The following OLFM3 variants were observed in gnomAD, a reference collection of about 807,000 sequenced individuals.
The protein encoded by OLFM3 is noelin-3.
In OLFM3, 20 loss-of-function variants were observed where a neutral mutation model predicts 48.6. That is an observed-to-expected ratio of 0.41 (90% CI 0.29 to 0.60). OLFM3 has a LOEUF of 0.60. Among genes scored for constraint, OLFM3 ranks in the 20% least tolerant of loss-of-function variants. The probability of loss-of-function intolerance (pLI) is 0.28; values close to 1 mark genes in which losing one functional copy is unlikely to be tolerated. For missense variants in OLFM3, 437 were observed against 544.3 expected (o/e 0.80, Z 1.96); for synonymous variants, 222 against 198.1 (o/e 1.12, Z -1.01).
chr1:101,817,465 T>C (rs1455284921), intron 4 of OLFM3, among the ~76,000 whole-genome samples: 1 of 152,170 alleles, frequency 6.6e-6, no homozygotes, highest in Admixed American at 6.5e-5. Context: ...TATCATGACT[T>C]TTGGACTTTA....
At chr1:101,970,564 T>C (rs1484292018) in intron 1 of OLFM3, among the ~76,000 whole-genome samples, 1 of 152,220 alleles carries the variant, frequency 6.6e-6, no homozygotes, top group Non-Finnish European at 1.5e-5. Flanking sequence ...TACTGGTACC[T>C]ACTTCCTGTC....
At chr1:101,905,869 AACC>A (rs1004060198) in intron 1 of OLFM3, among the ~76,000 whole-genome samples, 1 of 152,136 alleles carries the variant, frequency 6.6e-6, no homozygotes, top group African/African-American at 2.4e-5. Context: ...TGAAGCAGAG[AACC>A]ACAATTCTCA....
intron 1 of OLFM3, among the ~76,000 whole-genome samples, chr1:101,986,922 T>C (rs184521359): frequency 5.3e-5 from 8 of 152,312 alleles, no homozygotes; most frequent in Admixed American, 3.3e-4. Context: ...AAATACATAT[T>C]GACAAATGAA....
At chr1:101,815,934 C>T (rs2100879064) in intron 4 of OLFM3, among the ~76,000 whole-genome samples, 1 of 152,216 alleles carries the variant, frequency 6.6e-6, no homozygotes, top group East Asian at 1.9e-4. Flanking sequence ...GTATCTAGCA[C>T]AGAACTCTGT....
intron 1 of OLFM3, among the ~76,000 whole-genome samples, chr1:101,986,295 C>T (rs547633285): frequency 4.1e-4 from 63 of 152,098 alleles, no homozygotes; most frequent in African/African-American, 1.3e-3. Flanking sequence ...TGATGTGCCC[C>T]ATTTCAGGAT....
At chr1:101,924,281 A>G (rs899120682) in intron 1 of OLFM3, among the ~76,000 whole-genome samples, 1 of 152,184 alleles carries the variant, frequency 6.6e-6, no homozygotes, top group African/African-American at 2.4e-5. Context: ...GTTTGCATGG[A>G]AGCCAATAAG....
chr1:101,893,243 A>G (rs1658071808), intron 1 of OLFM3: 1 of 297,900 alleles, frequency 3.4e-6, no homozygotes, highest in Non-Finnish European at 6.6e-6. Flanking sequence ...GTGAAGACAG[A>G]GGTGGGGAAA....
intron 1 of OLFM3, among the ~76,000 whole-genome samples, chr1:101,838,912 C>T (rs1333014169): frequency 6.6e-6 from 1 of 152,216 alleles, no homozygotes; most frequent in Admixed American, 6.5e-5. Context: ...ATACTTTGTC[C>T]TAGGTTCTAG....
At chr1:101,831,660 A>G (rs759207572) in intron 2 of OLFM3, among the ~76,000 whole-genome samples, 1 of 152,222 alleles carries the variant, frequency 6.6e-6, no homozygotes, top group Non-Finnish European at 1.5e-5. Flanking sequence ...AGATTAAGAT[A>G]GATCTCTATG....
chr1:101,833,562 T>C (rs1037321292), intron 2 of OLFM3, among the ~76,000 whole-genome samples: 1 of 152,238 alleles, frequency 6.6e-6, no homozygotes, highest in African/African-American at 2.4e-5. Context: ...GGTGTTTCTG[T>C]GATTAGGATC....
intron 3 of OLFM3, among the ~76,000 whole-genome samples, chr1:101,829,581 C>T (rs989600917): frequency 1.3e-5 from 2 of 152,222 alleles, no homozygotes; most frequent in African/African-American, 2.4e-5. Context: ...TGCAGAGACT[C>T]GGTTACATGT....
chr1:101,817,557 C>A (rs1475563394), intron 4 of OLFM3, among the ~76,000 whole-genome samples: 5 of 152,030 alleles, frequency 3.3e-5, no homozygotes, highest in African/African-American at 7.2e-5. Flanking sequence ...GCAGGAAGAT[C>A]AGTTGTTTGG....
At chr1:101,875,747 T>C (rs1352776966) in intron 1 of OLFM3, among the ~76,000 whole-genome samples, 1 of 146,700 alleles carries the variant, frequency 6.8e-6, no homozygotes, top group Non-Finnish European at 1.5e-5. Context: ...TCAAAATATG[T>C]ATGCATGGAA....
At chr1:101,985,013 G>A (rs1661196747) in intron 1 of OLFM3, among the ~76,000 whole-genome samples, 1 of 152,214 alleles carries the variant, frequency 6.6e-6, no homozygotes, top group Admixed American at 6.5e-5. Context: ...ACTGTCAGCA[G>A]GGCTGCATTC....
At chr1:101,872,091 G>A (rs954590274) in intron 1 of OLFM3, among the ~76,000 whole-genome samples, 3 of 152,006 alleles carry the variant, frequency 2.0e-5, no homozygotes, top group African/African-American at 7.2e-5. Context: ...AGAACCTGGT[G>A]TGTTTGAGAG....
intron 3 of OLFM3, among the ~76,000 whole-genome samples, chr1:101,830,424 G>A (rs564685207): frequency 1.3e-5 from 2 of 152,028 alleles, no homozygotes; most frequent in East Asian, 3.9e-4. Flanking sequence ...ATTTTCCTTG[G>A]GGAAATTTCC....
chr1:101,923,226 T>C (rs779937170), intron 1 of OLFM3, among the ~76,000 whole-genome samples: 37 of 152,212 alleles, frequency 2.4e-4, no homozygotes, highest in Non-Finnish European at 2.9e-4. Flanking sequence ...TTTTAAAATT[T>C]ACACAAGGAT....
At position 101,846,109 on chromosome 1, in the gene OLFM3, T is replaced by C. The variant is rs578058676; in HGVS notation, c.70-9084A>G. On this transcript the variant is annotated intron_variant, in intron 1 of 5. Coordinates refer to ENST00000370103, the MANE Select transcript of OLFM3 (RefSeq NM_058170.4). Reference sequence around the variant, plus strand: ...TCATTTTTCTTTGAAATATCAAACATGTTGCTCACTGAACCTTGCTTCAAA... The same window carrying C: ...TCATTTTTCTTTGAAATATCAAACACGTTGCTCACTGAACCTTGCTTCAAA... Among the ~76,000 whole-genome samples the C allele has an allele frequency of 2.6e-5, 4 of 152,354 alleles. No individual in the cohort carries two copies. The South Asian group carries it at 8.3e-4, about 32-fold the overall frequency.
At chr1:101,994,580 G>T (rs1246062177) in intron 1 of OLFM3, among the ~76,000 whole-genome samples, 1 of 148,230 alleles carries the variant, frequency 6.7e-6, no homozygotes, top group African/African-American at 2.5e-5. Flanking sequence ...TTTTGGGGGG[G>T]AGCAATATAA....
Sources: allele counts gnomAD v4.1 joint callset (sites outside exome capture counted in the v4.1 genomes callset), GRCh38; gene constraint gnomAD v4.1.1; transcripts MANE v1.5; gene names NCBI Gene and HGNC (gene_info 2026-07-23, HGNC 2026-07-21).